LRTM3: variants seen among roughly 807,000 people sequenced by gnomAD.
LRTM3 encodes leucine rich repeat transmembrane protein 3.
the LRTM3 span, chr13:102,742,826 G>A: frequency 6.4e-7 from 1 of 1,550,460 alleles, no homozygotes; most frequent in Non-Finnish European, 8.7e-7. Flanking sequence ...ATTACAGAAA[G>A]CATTTTCTTT....
the LRTM3 span, chr13:102,744,483 A>G: frequency 1.3e-6 from 2 of 1,550,552 alleles, no homozygotes; most frequent in Admixed American, 2.0e-5. Flanking sequence ...CCTTCCATAC[A>G]TTTTATTCCT....
chr13:102,741,500 T>A, the LRTM3 span: 1 of 1,549,424 alleles, frequency 6.5e-7, no homozygotes. Context: ...TCCCAATACA[T>A]GTGAACTAAT....
At chr13:102,740,286 G>T in the LRTM3 span, 1 of 1,549,944 alleles carries the variant, frequency 6.5e-7, no homozygotes, top group Non-Finnish European at 8.7e-7. Context: ...ATTGAATCTT[G>T]TTTTTTCATC....
At chr13:102,758,522 G>A in the LRTM3 span, 2 of 1,540,786 alleles carry the variant, frequency 1.3e-6, no homozygotes, top group Non-Finnish European at 1.8e-6. Flanking sequence ...ATATTAAAAT[G>A]TGAAATTGTA....
At chr13:102,756,992 T>C in the LRTM3 span, among the ~76,000 whole-genome samples, 1 of 152,212 alleles carries the variant, frequency 6.6e-6, no homozygotes, top group East Asian at 1.9e-4. Flanking sequence ...TTTTTCTCCA[T>C]GTCTTCTTGT....
At chr13:102,742,890 C>CT in the LRTM3 span, 21 of 1,550,660 alleles carry the variant, frequency 1.4e-5, no homozygotes, top group Non-Finnish European at 1.7e-5. Context: ...ATGGCATCAT[C>CT]TGTTGCCTCA....
At chr13:102,750,129 T>C in the LRTM3 span, 1 of 1,551,224 alleles carries the variant, frequency 6.4e-7, no homozygotes, top group Admixed American at 2.0e-5. Context: ...GAAAATTGTA[T>C]TGTTTCATAT....
the LRTM3 span, chr13:102,734,340 C>T: frequency 6.4e-7 from 1 of 1,551,382 alleles, no homozygotes; most frequent in Non-Finnish European, 8.7e-7. Context: ...GTCTTACCTC[C>T]AAGCCTTTCT....
the LRTM3 span, chr13:102,730,594 A>G: frequency 1.3e-6 from 2 of 1,551,882 alleles, no homozygotes; most frequent in South Asian, 1.2e-5. Context: ...CACGGTCAGA[A>G]GCACACACAA....
At chr13:102,737,694 T>C in the LRTM3 span, 1 of 1,550,800 alleles carries the variant, frequency 6.4e-7, no homozygotes, top group Non-Finnish European at 8.7e-7. Context: ...TTCTGTTGCA[T>C]GTAATCTTTT....
At chr13:102,740,586 C>T in the LRTM3 span, 4 of 1,549,024 alleles carry the variant, frequency 2.6e-6, no homozygotes, top group Admixed American at 2.0e-5. Context: ...CCAACTATGA[C>T]ATCCATTTGT....
chr13:102,737,598 G>A, the LRTM3 span: 1 of 1,550,540 alleles, frequency 6.4e-7, no homozygotes. Context: ...GGTAGGTTCT[G>A]TGAAAGTGCC....
At chr13:102,752,503 A>G in the LRTM3 span, among the ~76,000 whole-genome samples, 1 of 152,136 alleles carries the variant, frequency 6.6e-6, no homozygotes, top group Non-Finnish European at 1.5e-5. Context: ...ATCATTCTTC[A>G]GTTGACACAA....
At chr13:102,748,074 G>C in the LRTM3 span, 1 of 1,551,056 alleles carries the variant, frequency 6.4e-7, no homozygotes, top group East Asian at 2.4e-5. Flanking sequence ...GATGCTGAAT[G>C]ACTGAGCCTT....
chr13:102,750,572 C>A, the LRTM3 span, among the ~76,000 whole-genome samples: 7 of 152,016 alleles, frequency 4.6e-5, no homozygotes, highest in African/African-American at 1.7e-4. Context: ...ATAAACTAAT[C>A]GACGGAAAAA....
chr13:102,747,587 C>G, the LRTM3 span: 1 of 1,551,160 alleles, frequency 6.4e-7, no homozygotes, highest in Non-Finnish European at 8.7e-7. Context: ...TGCAATATGA[C>G]TATCCGTTGT....
chr13:102,738,850 T>C, the LRTM3 span: 1 of 1,550,658 alleles, frequency 6.4e-7, no homozygotes, highest in South Asian at 1.2e-5. Flanking sequence ...TGTTCAACTC[T>C]AATTCTTGGA....
chr13:102,746,214 C>G, the LRTM3 span: 1 of 1,550,694 alleles, frequency 6.4e-7, no homozygotes, highest in South Asian at 1.2e-5. Flanking sequence ...GGGTCTGATT[C>G]AAGATGGATT....
At chr13:102,740,234 C>T in the LRTM3 span, 2 of 1,549,168 alleles carry the variant, frequency 1.3e-6, no homozygotes, top group East Asian at 4.9e-5. Flanking sequence ...AAATAAGAGA[C>T]TTGCATATTT....
Sources: allele counts gnomAD v4.1 joint callset (sites outside exome capture counted in the v4.1 genomes callset), GRCh38; gene constraint gnomAD v4.1.1; transcripts MANE v1.5; gene names NCBI Gene and HGNC (gene_info 2026-07-23, HGNC 2026-07-21).